Variants in POLA1 observed in about 807,000 individuals in gnomAD.
POLA1 encodes the protein DNA polymerase alpha 1, catalytic subunit.
In POLA1, 15 loss-of-function variants were observed where a neutral mutation model predicts 124.0. The observed-to-expected ratio is 0.12, with a 90% CI of 0.08 to 0.19. The LOEUF is 0.19. Ranked by LOEUF, POLA1 falls within the 10% of genes least tolerant of loss-of-function variation. The pLI is 1.00. For synonymous variants in POLA1, 408 were observed against 389.4 expected (o/e 1.05, Z -0.56); for missense variants, 886 against 1,103.4 (o/e 0.80, Z 2.79).
At chrX:24,833,364 C>T (rs749857995) in intron 32 of POLA1, among the ~76,000 whole-genome samples, 7 of 111,514 alleles carry the variant, frequency 6.3e-5, no homozygotes, top group Admixed American at 9.5e-5. Context: ...TAAACATGCA[C>T]GTGCAAGTAT....
At chrX:24,876,246 G>A (rs925920240) in intron 34 of POLA1, among the ~76,000 whole-genome samples, 1 of 111,668 alleles carries the variant, frequency 9.0e-6, no homozygotes, top group Non-Finnish European at 1.9e-5. Flanking sequence ...AACAGCTTTC[G>A]GGACAGTACT....
intron 36 of POLA1, among the ~76,000 whole-genome samples, chrX:24,963,668 A>G (rs2048191702): frequency 8.9e-6 from 1 of 111,836 alleles, no homozygotes; most frequent in Non-Finnish European, 1.9e-5. Flanking sequence ...GAAATCCAGT[A>G]AATGCCACTC....
chrX:24,971,845 C>G (rs1046493702), intron 36 of POLA1, among the ~76,000 whole-genome samples: 5 of 111,541 alleles, frequency 4.5e-5, no homozygotes, highest in African/African-American at 1.3e-4. Context: ...TAAGTATTAC[C>G]TCACTACTCT....
chrX:24,896,475 G>C (rs984770439), intron 35 of POLA1, among the ~76,000 whole-genome samples: 4 of 108,148 alleles, frequency 3.7e-5, no homozygotes, highest in Non-Finnish European at 7.5e-5. Flanking sequence ...TTTTTGTTTT[G>C]TTTTGTTTTG....
At chrX:24,854,700 A>C (rs1461904037) in intron 34 of POLA1, among the ~76,000 whole-genome samples, 1 of 110,387 alleles carries the variant, frequency 9.1e-6, no homozygotes, top group African/African-American at 3.3e-5. Context: ...GTCTTCGCAC[A>C]TGCCTGTAAT....
At chrX:24,790,895 A>G (rs1430579442) in intron 26 of POLA1, among the ~76,000 whole-genome samples, 3 of 88,708 alleles carry the variant, frequency 3.4e-5, no homozygotes, top group African/African-American at 1.3e-4. Flanking sequence ...GCCCCCACTC[A>G]TTTATTTATG....
chrX:24,801,172 T>TATAACATGC (rs1381167044), intron 26 of POLA1, among the ~76,000 whole-genome samples: 1 of 112,286 alleles, frequency 8.9e-6, no homozygotes, highest in Non-Finnish European at 1.9e-5. Flanking sequence ...TATTTGTTTA[T>TATAACATGC]ATAACATGCA....
At chrX:24,767,963 G>A (rs1932947301) in intron 26 of POLA1, among the ~76,000 whole-genome samples, 1 of 112,440 alleles carries the variant, frequency 8.9e-6, no homozygotes, top group Non-Finnish European at 1.9e-5. Context: ...ACTTGCTCAA[G>A]ATCACAGAGC....
intron 26 of POLA1, among the ~76,000 whole-genome samples, chrX:24,756,263 A>C (rs924357420): frequency 9.0e-6 from 1 of 111,563 alleles, no homozygotes. Flanking sequence ...TTGGACATGT[A>C]AAAAATACAA....
chrX:24,713,139 A>AT (rs1035014105), intron 4 of POLA1, among the ~76,000 whole-genome samples: 1 of 108,191 alleles, frequency 9.2e-6, no homozygotes, highest in African/African-American at 3.4e-5. Context: ...TAATTTTTGT[A>AT]TTTTTAGTAG....
At chrX:24,854,218 G>A (rs1486915817) in intron 34 of POLA1, among the ~76,000 whole-genome samples, 1 of 110,692 alleles carries the variant, frequency 9.0e-6, no homozygotes, top group Non-Finnish European at 1.9e-5. Context: ...GCTAATTTTT[G>A]TATTTTTAGT....
At chrX:24,944,001 C>A (rs1370254355) in intron 36 of POLA1, among the ~76,000 whole-genome samples, 1 of 111,725 alleles carries the variant, frequency 9.0e-6, no homozygotes, top group Non-Finnish European at 1.9e-5. Flanking sequence ...AGCTGGTAGA[C>A]CACAGGGAAT....
intron 36 of POLA1, among the ~76,000 whole-genome samples, chrX:24,951,312 A>G (rs992450816): frequency 7.2e-5 from 7 of 96,759 alleles, no homozygotes; most frequent in African/African-American, 2.7e-4. Context: ...TGATCACTAT[A>G]CAGATACTCA....
intron 18 of POLA1, among the ~76,000 whole-genome samples, chrX:24,737,098 T>G (rs1165093294): frequency 8.9e-6 from 1 of 111,786 alleles, no homozygotes; most frequent in Non-Finnish European, 1.9e-5. Flanking sequence ...TTTAGTGGTA[T>G]TATATATTTA....
At chrX:24,972,235 T>C (rs1385501077) in intron 36 of POLA1, among the ~76,000 whole-genome samples, 3 of 112,135 alleles carry the variant, frequency 2.7e-5, no homozygotes, top group African/African-American at 9.7e-5. Context: ...CCTCCCAAAG[T>C]GCTGGGATTA....
intron 26 of POLA1, among the ~76,000 whole-genome samples, chrX:24,796,508 A>G (rs995868301): frequency 9.1e-6 from 1 of 110,493 alleles, no homozygotes; most frequent in South Asian, 4.0e-4. Flanking sequence ...AGAAGGTACT[A>G]GAGGAGGAAT....
intron 26 of POLA1, among the ~76,000 whole-genome samples, chrX:24,807,835 A>T (rs1206904176): frequency 8.9e-6 from 1 of 111,956 alleles, no homozygotes; most frequent in Non-Finnish European, 1.9e-5. Flanking sequence ...GTAAAATTCA[A>T]TGATAGGAAA....
intron 35 of POLA1, among the ~76,000 whole-genome samples, chrX:24,919,845 G>GTTT (rs10573475): frequency 3.7e-4 from 13 of 34,781 alleles, no homozygotes; most frequent in East Asian, 1.0e-3. Flanking sequence ...TTGTTTTTCT[G>GTTT]TTTTTTTTTT....
At chrX:24,994,674 G>A (rs2048579401) in intron 36 of POLA1, among the ~76,000 whole-genome samples, 1 of 105,193 alleles carries the variant, frequency 9.5e-6, no homozygotes, top group Non-Finnish European at 1.9e-5. Flanking sequence ...CTGGGTTTGC[G>A]TGTCTACAAC....
Sources: allele counts gnomAD v4.1 joint callset (sites outside exome capture counted in the v4.1 genomes callset), GRCh38; gene constraint gnomAD v4.1.1; transcripts MANE v1.5; gene names NCBI Gene and HGNC (gene_info 2026-07-23, HGNC 2026-07-21).